Variants in RABGGTA observed in about 807,000 individuals in gnomAD.
The protein encoded by RABGGTA is geranylgeranyl transferase type-2 subunit alpha.
A neutral mutation model predicts 83.3 loss-of-function variants in RABGGTA; 69 were observed. The ratio of observed to expected loss-of-function variants is 0.83; its 90% CI spans 0.68 to 1.01. RABGGTA has a LOEUF of 1.01. RABGGTA is among the 50% of genes least tolerant of loss of function. RABGGTA has a pLI of 0.00. For missense variants in RABGGTA, 681 were observed against 712.7 expected (o/e 0.96, Z 0.51); for synonymous variants, 310 against 299.8 (o/e 1.03, Z -0.35).
chr14:24,268,449 G>A (rs1311044790), intron 10 of RABGGTA, 29 bp from the exon 11 acceptor site: 3 of 1,595,018 alleles, frequency 1.9e-6, no homozygotes, highest in South Asian at 1.1e-5. Context: ...GTTGGAGGGT[G>A]CACCCTTGAG....
At chr14:24,267,585 A>T in intron 14 of RABGGTA, 75 bp downstream of exon 14, 1 of 1,224,874 alleles carries the variant, frequency 8.2e-7, no homozygotes, top group Non-Finnish European at 1.2e-6. Context: ...GGCACCTGAG[A>T]CTGGGGGCAA....
At chr14:24,270,974 T>C (rs1338249249) in intron 2 of RABGGTA, 27 bp from the exon 3 acceptor site, 1 of 1,611,170 alleles carries the variant, frequency 6.2e-7, no homozygotes, top group Non-Finnish European at 8.5e-7. Flanking sequence ...GTTGGAAGAG[T>C]GCAGGTTGCC....
chr14:24,265,606 C>G lies in RABGGTA; in HGVS notation c.*9G>C. The G allele has an allele frequency of 6.2e-7, 1 of 1,612,826 alleles. No homozygotes were observed. On this transcript the variant is annotated 3_prime_UTR_variant, in exon 17 of 17. Coordinates refer to ENST00000216840, the MANE Select transcript of RABGGTA (RefSeq NM_182836.3). ...TAAGTTAAAGGGCAAGGGTAGGGGG[C>G]AGGGCCTCTTAGGTGAGGACGCTGC...
At chr14:24,269,231 C>A in intron 6 of RABGGTA, 68 bp from the exon 7 acceptor site, 3 of 1,407,216 alleles carry the variant, frequency 2.1e-6, no homozygotes, top group Non-Finnish European at 3.0e-6. Flanking sequence ...CTCCAACACC[C>A]TACCCTCTCC....
chr14:24,266,477 C>T lies in RABGGTA; in HGVS notation c.1508G>A (p.Gly503Asp), dbSNP rs776586262. Residue 503 changes from glycine to aspartate, a missense_variant, in exon 16 of 17, where the codon GGC (glycine) becomes GAC (aspartate). By Grantham distance (94) the Gly-to-Asp change is moderately conservative. Transcript: ENST00000216840. ...ASDNAIESLD[G>D]VTNLPRLQEL... ...CTGCAGCCGGGGTAGGTTGGTGACG[C>T]CGTCCAGGGACTCTATGGCATTATC... The T allele has an allele frequency of 6.2e-7, 1 of 1,614,006 alleles. No individual in the cohort carries two copies. The highest frequency in any genetic ancestry group is 2.2e-5 in the East Asian group (1 of 44,894).
Position 24,265,670 on chromosome 14 carries a change from C to G in RABGGTA, c.1649G>C (p.Gly550Ala), listed in dbSNP as rs750568294. The G allele has an allele frequency of 1.2e-6, 2 of 1,613,572 alleles. No individual in the cohort carries two copies. The highest frequency in any genetic ancestry group is 1.7e-6 in the Non-Finnish European group (2 of 1,179,754). The stretch of plus-strand genomic sequence containing the variant: ...CAGTTCAGCCAGTTGCTCCAAGATG[C>G]CCACCGCTTGGCACAGCGGGTTACC... ...LQGNPLCQAV[G>A]ILEQLAELLP... Residue 550 changes from glycine (G) to alanine (A), a missense_variant, in exon 17 of 17, where the codon GGC (glycine) becomes GCC (alanine). This residue lies in a region of RABGGTA where 421 missense variants were observed against 418.5 expected (regional missense o/e 1.01). Transcript: ENST00000216840.
In RABGGTA at chr14:24,270,343, T is replaced by C. The variant is rs375790364; in HGVS notation, c.230A>G (p.Glu77Gly). ...CTGAATCCCTACGCACTTCTGAGTC[T>C]CCAGCTGCTGGAGCACCTCTCGTCG... ...NCRREVLQQLETQKSPEELAA... is the reference protein window; with the variant it reads ...NCRREVLQQLGTQKSPEELAA... The change falls in exon 4 of 17, where the codon GAG becomes GGG. Residue 77 changes from glutamate to glycine, a missense_variant. Glu to Gly is a moderately conservative substitution (Grantham distance 98). This residue lies in a region of RABGGTA where 115 missense variants were observed against 111.5 expected (regional missense o/e 1.03). Transcript: ENST00000216840. 7 of 1,612,298 alleles carry C rather than the reference T, an allele frequency of 4.3e-6. No individual in the cohort carries two copies. The African/African-American group carries it at 5.3e-5, about 12-fold the overall frequency.
chr14:24,270,716 C>G lies in RABGGTA; in HGVS notation c.114+121G>C. On this transcript the variant is annotated intron_variant, in intron 3 of 16. Coordinates refer to ENST00000216840, the MANE Select transcript of RABGGTA (RefSeq NM_182836.3). ...ATTCAGCAACTTGCCCAAAGTCATACAGTTATAAGTGAGATAACCCAGAAT... is the reference window on the plus strand; with the variant it reads ...ATTCAGCAACTTGCCCAAAGTCATAGAGTTATAAGTGAGATAACCCAGAAT... 2.2e-6 allele frequency: 3 copies of G among 1,390,942 alleles called. No homozygotes were observed. The South Asian group carries it at 4.2e-5, about 19-fold the overall frequency. 86.2% of individuals were successfully genotyped at this position (1,390,942 alleles called of 1,614,324 possible). A position where few individuals can be genotyped will look rare whatever the true frequency, so the allele number is the denominator to read the frequency against.
At position 24,271,122 on chromosome 14, in the gene RABGGTA, G is replaced by A. The variant is rs752906617; in HGVS notation, c.-7C>T. On this transcript the variant is annotated 5_prime_UTR_variant, in exon 2 of 17. Coordinates refer to ENST00000216840, the MANE Select transcript of RABGGTA (RefSeq NM_182836.3). The stretch of plus-strand genomic sequence containing the variant: ...GGCTCAGGGTTCTCACCATGGTGCC[G>A]GCTCAGGGTTCAAGACAGGGGAAGG... 4 of 1,544,874 alleles carry A rather than the reference G, an allele frequency of 2.6e-6. No homozygotes were observed. The highest frequency in any genetic ancestry group is 4.0e-5 in the Admixed American group (2 of 49,492).
intron 6 of RABGGTA, 116 bp downstream of exon 6, chr14:24,269,375 C>T: frequency 1.6e-6 from 2 of 1,274,538 alleles, no homozygotes; most frequent in East Asian, 4.7e-5. Flanking sequence ...CCCCTGGAGC[C>T]ACGCATGAAG....
Position 24,268,578 on chromosome 14 carries a change from G to C in RABGGTA, c.942C>G (p.Pro314=). ...LPAASLNDQL[P]QHTFRVIWTA... ...TCCAAATGACGCGAAATGTATGTTG[G>C]GGCAACTGGTCGTTGAGGGAGGCAG... The change falls in exon 10 of 17, where the codon CCC becomes CCG. Residue 314 remains proline, a synonymous_variant. Coordinates refer to ENST00000216840, the MANE Select transcript of RABGGTA (RefSeq NM_182836.3). 1.2e-6 allele frequency: 2 copies of C among 1,614,022 alleles called. No individual in the cohort carries two copies. The highest frequency in any genetic ancestry group is 1.7e-6 in the Non-Finnish European group (2 of 1,179,894).
intron 3 of RABGGTA, 130 bp downstream of exon 3, chr14:24,270,706 CA>C: frequency 7.4e-7 from 1 of 1,359,092 alleles, no homozygotes; most frequent in Non-Finnish European, 1.0e-6. Context: ...GCAACTTGCC[CA>C]AAGTCATACA....
chr14:24,270,223 T>C (rs1007058793), intron 4 of RABGGTA, 83 bp from the exon 5 acceptor site: 1 of 1,557,326 alleles, frequency 6.4e-7, no homozygotes, highest in African/African-American at 1.4e-5. Flanking sequence ...CCCAGCCCCC[T>C]ACTATCCTCC....
At chr14:24,266,256 T>G (rs116783651) in intron 16 of RABGGTA, among the ~76,000 whole-genome samples, 174 bp downstream of exon 16, 3 of 152,150 alleles carry the variant, frequency 2.0e-5, no homozygotes, top group Non-Finnish European at 4.4e-5. Context: ...ACTCCACCAG[T>G]GCAGGTCAGT....
In RABGGTA at chr14:24,265,752, G is replaced by A. The variant is rs762233845; in HGVS notation, c.1567C>T (p.Pro523Ser). Residue 523 changes from proline to serine, a missense_variant, in exon 17 of 17, where the codon CCT (proline) becomes TCT (serine). By Grantham distance (74) the Pro-to-Ser change is moderately conservative. Transcript: ENST00000216840. ...GAGGCAAGAGGCTGGAGCACTGCAG[G>A]CTGCTGGAGGCCTTGTTCAGGAGAG... ...LLLCNNRLQQ[P>S]AVLQPLASCP... 1.1e-5 allele frequency: 18 copies of A among 1,608,278 alleles called. No homozygotes were observed. The Admixed American group carries it at 2.2e-4, about 20-fold the overall frequency.
chr14:24,269,552 C>G lies in RABGGTA; in HGVS notation c.570G>C (p.Gln190His), dbSNP rs772055371. The G allele has an allele frequency of 1.2e-6, 2 of 1,610,898 alleles. No homozygotes were observed. The highest frequency in any genetic ancestry group is 2.2e-5 in the South Asian group (2 of 91,018). The change falls in exon 6 of 17, where the codon CAG becomes CAC. Residue 190 changes from glutamine (Q) to histidine (H), a missense_variant. By Grantham distance (24) the Gln-to-His change is conservative (BLOSUM62 0). Coordinates refer to ENST00000216840, the MANE Select transcript of RABGGTA (RefSeq NM_182836.3). ...SWHYRSCLLP[Q>H]LHPQPDSGPQ... is the part of the protein sequence containing the mutation. The stretch of plus-strand genomic sequence containing the variant: ...GTCCAGAATCCGGCTGGGGGTGCAG[C>G]TGGGGCAAGAGACAGGAGCGGTAAT...
At chr14:24,271,004 A>G in intron 2 of RABGGTA, 57 bp from the exon 3 acceptor site, 1 of 1,604,154 alleles carries the variant, frequency 6.2e-7, no homozygotes, top group Admixed American at 1.7e-5. Context: ...CTGACCTGCA[A>G]AAACCCCACA....
rs747291085 is a variant in RABGGTA at position 24,270,863 on chromosome 14, A to C, written c.88T>G (p.Ser30Ala). 6.2e-7 allele frequency: 1 copy of C among 1,613,942 alleles called. No individual in the cohort carries two copies. Among genetic ancestry groups the C allele is most frequent in the East Asian group, 2.2e-5 (1 of 44,876 alleles). The change falls in exon 3 of 17, where the codon TCA (serine) becomes GCA (alanine). Residue 30 changes from serine (S) to alanine (A), a missense_variant. Transcript: ENST00000216840. ...EREQKLKLYQ[S>A]ATQAVFQKRQ... ...TTCTGGAATACGGCCTGGGTGGCTG[A>C]CTGGTATAGCTTCAGCTTCTGCTCT...
Position 24,266,443 on chromosome 14 carries a change from T to G in RABGGTA, c.1542A>C (p.Leu514=), listed in dbSNP as rs1359534845. ...VTNLPRLQEL[L]LCNNRLQQPA... ...AAGGAAGGATACGGTTGTTGCACAG[T>G]AGCAGCTCCTGCAGCCGGGGTAGGT... Residue 514 remains leucine (L), a synonymous_variant, in exon 16 of 17, where the codon CTA becomes CTC. Transcript: ENST00000216840. The G allele has an allele frequency of 6.2e-7, 1 of 1,613,964 alleles. No homozygotes were observed.
Sources: gnomAD v4.1 joint callset for allele counts (sites outside exome capture counted in the v4.1 genomes callset) on GRCh38, gnomAD v4.1.1 for gene constraint, gnomAD v4.1.1 regional missense constraint, MANE v1.5 for transcripts, NCBI Gene and HGNC (gene_info 2026-07-23, HGNC 2026-07-21) for gene names.